The following ACER3 variants were observed in gnomAD, a reference collection of about 807,000 sequenced individuals.
The protein encoded by ACER3 is alkaline ceramidase 3, also known as alkCDase 3.
A neutral mutation model predicts 48.9 loss-of-function variants in ACER3; 16 were observed. The ratio of observed to expected loss-of-function variants is 0.33; its 90% CI spans 0.22 to 0.50. The LOEUF is 0.50. Among genes scored for constraint, ACER3 ranks in the 20% least tolerant of loss-of-function variants. The pLI is 0.98. For missense variants in ACER3, 227 were observed against 326.0 expected (o/e 0.70, Z 2.34); for synonymous variants, 109 against 107.8 (o/e 1.01, Z -0.07).
chr11:76,974,588 G>GA (rs1417659828), intron 3 of ACER3, among the ~76,000 whole-genome samples: 1 of 152,152 alleles, frequency 6.6e-6, no homozygotes, highest in Non-Finnish European at 1.5e-5. Flanking sequence ...AGTGAAACCT[G>GA]AAAAATATCC....
At chr11:76,865,695 G>A (rs1473786228) in intron 1 of ACER3, among the ~76,000 whole-genome samples, 1 of 151,952 alleles carries the variant, frequency 6.6e-6, no homozygotes, top group East Asian at 1.9e-4. Context: ...TTGTAGTAGA[G>A]ACGGGGTTTC....
chr11:76,864,662 C>T (rs1405169459), intron 1 of ACER3, among the ~76,000 whole-genome samples: 3 of 132,556 alleles, frequency 2.3e-5, no homozygotes, highest in African/African-American at 5.4e-5. Context: ...TGCAGTGTCG[C>T]GATCTCGGCT....
chr11:76,870,217 G>A (rs1412574223), intron 1 of ACER3, among the ~76,000 whole-genome samples: 2 of 146,076 alleles, frequency 1.4e-5, no homozygotes, highest in Admixed American at 1.4e-4. Flanking sequence ...GGCTGGTCTC[G>A]ACCTCCTGGG....
intron 2 of ACER3, among the ~76,000 whole-genome samples, chr11:76,935,190 AT>A (rs141580115): frequency 0.11 from 16,362 of 151,972 alleles, 2,912 homozygotes; most frequent in African/African-American, 0.37. Flanking sequence ...AAGCAAGAAA[AT>A]TAAAAGGAGA....
At chr11:76,863,451 C>T (rs560320244) in intron 1 of ACER3, among the ~76,000 whole-genome samples, 2 of 152,108 alleles carry the variant, frequency 1.3e-5, no homozygotes, top group East Asian at 1.9e-4. Context: ...CAGCCCTTTG[C>T]GCATGCACCT....
intron 4 of ACER3, among the ~76,000 whole-genome samples, chr11:76,980,632 G>T (rs779330385): frequency 6.6e-5 from 10 of 151,958 alleles, no homozygotes; most frequent in Admixed American, 1.3e-4. Flanking sequence ...AGCCACGATT[G>T]TGCTGCTACT....
At chr11:76,952,611 A>C (rs1947708440) in intron 2 of ACER3, among the ~76,000 whole-genome samples, 1 of 151,406 alleles carries the variant, frequency 6.6e-6, no homozygotes, top group Non-Finnish European at 1.5e-5. Context: ...CAAAAGAAAA[A>C]ACTTGAAAGA....
chr11:76,952,533 C>T (rs1445390891), intron 2 of ACER3, among the ~76,000 whole-genome samples: 1 of 151,816 alleles, frequency 6.6e-6, no homozygotes, highest in African/African-American at 2.4e-5. Flanking sequence ...GCTGGGATTA[C>T]AGGTGTAAGC....
At chr11:76,949,322 A>G (rs10899331) in intron 2 of ACER3, among the ~76,000 whole-genome samples, 16,485 of 152,150 alleles carry the variant, frequency 0.11, 1,089 homozygotes, top group East Asian at 0.36. Context: ...ACATGACCAT[A>G]TGGGGAAACG....
intron 1 of ACER3, among the ~76,000 whole-genome samples, chr11:76,866,706 C>T (rs1945098168): frequency 6.6e-6 from 1 of 152,130 alleles, no homozygotes; most frequent in South Asian, 2.1e-4. Context: ...GATGTTGTTA[C>T]CCCATTGTAA....
At chr11:76,882,003 C>CTTT (rs33962456) in intron 1 of ACER3, among the ~76,000 whole-genome samples, 13 of 110,034 alleles carry the variant, frequency 1.2e-4, no homozygotes, top group Admixed American at 3.7e-4. Context: ...TGTAAAAAAT[C>CTTT]TTTTTTTTTT....
At chr11:76,872,914 T>TC (rs1411168849) in intron 1 of ACER3, among the ~76,000 whole-genome samples, 2 of 136,424 alleles carry the variant, frequency 1.5e-5, no homozygotes, top group African/African-American at 5.7e-5. Flanking sequence ...TCTTTTTCTT[T>TC]TTTTTTTTTT....
At chr11:76,994,277 G>T in intron 6 of ACER3, 3 of 419,802 alleles carry the variant, frequency 7.1e-6, no homozygotes, top group Admixed American at 3.0e-5. Flanking sequence ...CTACAGGCGT[G>T]TACCATCACG....
At chr11:76,865,564 A>G (rs916821030) in intron 1 of ACER3, among the ~76,000 whole-genome samples, 3 of 150,294 alleles carry the variant, frequency 2.0e-5, no homozygotes, top group Non-Finnish European at 4.4e-5. Flanking sequence ...GCTGGAGTGC[A>G]GTGGCGCAAT....
chr11:77,011,822 A>G (rs1949270586), intron 7 of ACER3, among the ~76,000 whole-genome samples: 2 of 152,178 alleles, frequency 1.3e-5, no homozygotes, highest in African/African-American at 4.8e-5. Context: ...AAGGAGAAAA[A>G]TTACATGATA....
At chr11:76,923,141 A>C (rs1946729479) in intron 1 of ACER3, among the ~76,000 whole-genome samples, 1 of 115,006 alleles carries the variant, frequency 8.7e-6, no homozygotes, top group South Asian at 3.1e-4. Context: ...ACTCCCCAGA[A>C]GCAAAATTAA....
chr11:77,020,494 G>C lies in ACER3; in HGVS notation c.*167G>C, dbSNP rs376009857. ...ACACAGAGAATAAGGAGTAGGGCCT[G>C]CTGGGTGTTTAGCTCATGGCTTTAT... On this transcript the variant is annotated 3_prime_UTR_variant, in exon 11 of 11. Coordinates refer to ENST00000532485, the MANE Select transcript of ACER3 (RefSeq NM_018367.7). The C allele has an allele frequency of 1.5e-6, 1 of 675,934 alleles. No individual in the cohort carries two copies. The allele number at this position is 675,934 out of a possible 1,614,324, so 41.9% of individuals were successfully genotyped here. A position where few individuals can be genotyped will look rare whatever the true frequency, so the allele number is the denominator to read the frequency against.
chr11:76,914,240 C>T (rs1946463210), intron 1 of ACER3, among the ~76,000 whole-genome samples: 1 of 152,156 alleles, frequency 6.6e-6, no homozygotes, highest in African/African-American at 2.4e-5. Context: ...GCAAAAGAAA[C>T]TATCATCAGA....
chr11:76,879,221 C>T, intron 1 of ACER3, among the ~76,000 whole-genome samples: 1 of 152,004 alleles, frequency 6.6e-6, no homozygotes, highest in East Asian at 1.9e-4. Context: ...TTGTCTATTA[C>T]CATATTTTCT....
Sources: gnomAD v4.1 joint callset for allele counts (sites outside exome capture counted in the v4.1 genomes callset) on GRCh38, gnomAD v4.1.1 for gene constraint, MANE v1.5 for transcripts, NCBI Gene and HGNC (gene_info 2026-07-23, HGNC 2026-07-21) for gene names.